The following TRIM9 variants were observed in gnomAD, a reference collection of about 807,000 sequenced individuals.
TRIM9 encodes the protein tripartite motif containing 9, also known as E3 ubiquitin-protein ligase TRIM9.
A neutral mutation model predicts 78.3 loss-of-function variants in TRIM9; 26 were observed. The ratio of observed to expected loss-of-function variants is 0.33; its 90% CI spans 0.24 to 0.46. The LOEUF (loss-of-function observed/expected upper bound fraction) is 0.46. TRIM9 is among the 20% of genes least tolerant of loss of function. TRIM9 has a pLI of 1.00. For synonymous variants in TRIM9, 398 were observed against 416.5 expected (o/e 0.96, Z 0.54); for missense variants, 787 against 1,036.4 (o/e 0.76, Z 3.30).
intron 1 of TRIM9, among the ~76,000 whole-genome samples, chr14:51,084,313 C>T (rs1260179942): frequency 6.6e-6 from 1 of 152,156 alleles, no homozygotes; most frequent in African/African-American, 2.4e-5. Flanking sequence ...CAAGTTCCTA[C>T]ATTCCATATT....
intron 1 of TRIM9, among the ~76,000 whole-genome samples, chr14:51,034,141 C>T (rs902275384): frequency 1.5e-4 from 23 of 151,892 alleles, no homozygotes; most frequent in African/African-American, 5.6e-4. Flanking sequence ...CTGAATTTTC[C>T]GAATTGTTTT....
chr14:51,080,638 T>C (rs1228396915), intron 1 of TRIM9, among the ~76,000 whole-genome samples: 1 of 152,212 alleles, frequency 6.6e-6, no homozygotes, highest in Admixed American at 6.5e-5. Context: ...ATCTTCAAGA[T>C]CCAGTGTCCC....
intron 2 of TRIM9, 79 bp from the exon 3 acceptor site, chr14:51,023,036 T>C (rs2057906295): frequency 1.3e-6 from 2 of 1,570,188 alleles, no homozygotes; most frequent in Non-Finnish European, 8.6e-7. Flanking sequence ...TCCCCCATCC[T>C]GCTGAAGGGA....
chr14:51,086,297 G>C (rs968670703), intron 1 of TRIM9, among the ~76,000 whole-genome samples: 2 of 152,156 alleles, frequency 1.3e-5, no homozygotes, highest in Non-Finnish European at 2.9e-5. Flanking sequence ...TAATCTTCCT[G>C]TGTTCCAGTT....
chr14:51,048,065 A>G (rs775043965), intron 1 of TRIM9, among the ~76,000 whole-genome samples: 2 of 152,204 alleles, frequency 1.3e-5, no homozygotes, highest in Non-Finnish European at 1.5e-5. Context: ...AGCTTGCTCC[A>G]AGGTGCCATT....
intron 7 of TRIM9, chr14:50,996,181 C>T (rs2054183361): frequency 1.0e-6 from 1 of 983,974 alleles, no homozygotes; most frequent in African/African-American, 1.7e-5. Context: ...CAGATACATA[C>T]CTTATATTTG....
intron 5 of TRIM9, among the ~76,000 whole-genome samples, chr14:51,004,496 G>T (rs192221975): frequency 2.0e-5 from 3 of 151,914 alleles, no homozygotes; most frequent in Admixed American, 1.3e-4. Context: ...GAATTCCTCT[G>T]TGAAAGTACA....
In TRIM9 at chr14:50,998,073, G is replaced by A. The variant is rs775523243; in HGVS notation, c.1580C>T (p.Thr527Ile). 8 of 1,614,192 alleles carry A rather than the reference G, an allele frequency of 5.0e-6. No individual in the cohort carries two copies. The African/African-American group carries it at 1.1e-4, about 22-fold the overall frequency. Residue 527 changes from threonine to isoleucine, a missense_variant, in exon 7 of 13, where the codon ACC (threonine) becomes ATC (isoleucine). By Grantham distance (89) the Thr-to-Ile change is moderately conservative (BLOSUM62 -1). This residue lies in a region of TRIM9 where 421 missense variants were observed against 514.3 expected (regional missense o/e 0.82). Transcript: ENST00000684578. The part of the protein sequence containing the change: ...NKTGVSPYSK[T>I]LVLQTSEDTD... ...ACCCTCAGACGTTTGGAGGACCAGG[G>A]TCTTGCTGTACGGGCTGACTCCTGT...
At chr14:51,087,205 C>T (rs952087317) in intron 1 of TRIM9, among the ~76,000 whole-genome samples, 23 of 151,656 alleles carry the variant, frequency 1.5e-4, no homozygotes, top group African/African-American at 5.3e-4. Context: ...GGAGGGCAAG[C>T]GTAGTGGACA....
chr14:51,025,653 T>C (rs145130943), intron 1 of TRIM9, among the ~76,000 whole-genome samples: 18 of 152,310 alleles, frequency 1.2e-4, no homozygotes, highest in Admixed American at 3.3e-4. Context: ...TAAACAATCA[T>C]TTATTGAATA....
At chr14:51,093,743 C>T (rs1402548803) in intron 1 of TRIM9, among the ~76,000 whole-genome samples, 1 of 152,220 alleles carries the variant, frequency 6.6e-6, no homozygotes, top group African/African-American at 2.4e-5. Context: ...TGCCCTCGAG[C>T]GTGCCTAGCG....
rs962973115 is a variant in TRIM9 at position 51,042,009 on chromosome 14, C to T, written c.823-16649G>A. On this transcript the variant is annotated intron_variant, in intron 1 of 12. Coordinates refer to ENST00000684578, the MANE Select transcript of TRIM9 (RefSeq NM_001387360.1). ...TCACTGCTGGAGCAGGAAGCTCTGT[C>T]GGAGTGAGGTGGCATCCTCAGCACA... Among the ~76,000 whole-genome samples, 9 of 152,218 alleles carry T rather than the reference C, an allele frequency of 5.9e-5. No individual in the cohort carries two copies. In the South Asian group the frequency reaches 1.7e-3, roughly 28 times the overall value.
chr14:51,022,768 C>A, intron 3 of TRIM9, 67 bp downstream of exon 3: 1 of 1,598,710 alleles, frequency 6.3e-7, no homozygotes, highest in Non-Finnish European at 8.5e-7. Flanking sequence ...TTCTCCCAGC[C>A]TGTCCATCAT....
At chr14:51,082,222 G>A (rs531650812) in intron 1 of TRIM9, among the ~76,000 whole-genome samples, 3 of 152,198 alleles carry the variant, frequency 2.0e-5, no homozygotes, top group African/African-American at 4.8e-5. Context: ...CAGGAACCAC[G>A]GACAAAGACC....
chr14:51,084,659 G>A (rs1201760725), intron 1 of TRIM9, among the ~76,000 whole-genome samples: 2 of 152,102 alleles, frequency 1.3e-5, no homozygotes, highest in Non-Finnish European at 2.9e-5. Flanking sequence ...ATGCTCTTGG[G>A]ATAACATTAT....
At chr14:51,091,379 A>C (rs1302006450) in intron 1 of TRIM9, 1 of 152,204 alleles carries the variant, frequency 6.6e-6, no homozygotes, top group Non-Finnish European at 1.5e-5. Context: ...AATATGATAG[A>C]ATATGAATGA....
chr14:51,078,344 A>C (rs141860472), intron 1 of TRIM9, among the ~76,000 whole-genome samples: 57 of 152,326 alleles, frequency 3.7e-4, no homozygotes, highest in African/African-American at 1.3e-3. Flanking sequence ...TATTTATACA[A>C]ATTTTATAGT....
intron 7 of TRIM9, chr14:50,996,714 C>T (rs908122961): frequency 1.1e-5 from 11 of 985,300 alleles, no homozygotes; most frequent in Admixed American, 1.2e-4. Flanking sequence ...CAACTGCTCT[C>T]AAACTGATAG....
intron 11 of TRIM9, among the ~76,000 whole-genome samples, chr14:50,980,729 A>G (rs1353579279): frequency 6.6e-6 from 1 of 152,242 alleles, no homozygotes; most frequent in African/African-American, 2.4e-5. Context: ...CCGATCACTG[A>G]AGATAACCAC....
Sources: allele counts gnomAD v4.1 joint callset (sites outside exome capture counted in the v4.1 genomes callset), GRCh38; gene constraint gnomAD v4.1.1; regional missense constraint gnomAD v4.1.1; transcripts MANE v1.5; gene names NCBI Gene and HGNC (gene_info 2026-07-23, HGNC 2026-07-21).